The following RHBDD1 variants were observed in gnomAD, a reference collection of about 807,000 sequenced individuals.
The protein encoded by RHBDD1 is rhomboid domain containing 1, also known as rhomboid-related protein 4.
A neutral mutation model predicts 36.3 loss-of-function variants in RHBDD1; 38 were observed. The ratio of observed to expected loss-of-function variants is 1.05; its 90% CI spans 0.81 to 1.37. The LOEUF is 1.37. Ranked by LOEUF, RHBDD1 falls within the 40% of genes most tolerant of loss-of-function variation. The pLI, the probability that RHBDD1 is intolerant of heterozygous loss-of-function variation, is 0.00. For synonymous variants in RHBDD1, 151 were observed against 136.5 expected, an observed-to-expected ratio of 1.11 and a Z score of -0.74; for missense variants, 393 against 377.6, an observed-to-expected ratio of 1.04 and a Z score of -0.34.
intron 3 of RHBDD1, among the ~76,000 whole-genome samples, chr2:226,864,381 C>G (rs1290253193): frequency 6.6e-6 from 1 of 152,086 alleles, no homozygotes; most frequent in African/African-American, 2.4e-5. Context: ...TGTCCATTAA[C>G]TGATTCATTG....
chr2:226,968,108 A>G (rs1438119213), intron 8 of RHBDD1, among the ~76,000 whole-genome samples: 1 of 152,176 alleles, frequency 6.6e-6, no homozygotes, highest in African/African-American at 2.4e-5. Flanking sequence ...TGTGTAGTTT[A>G]CAAAGATAGG....
intron 5 of RHBDD1, among the ~76,000 whole-genome samples, chr2:226,871,670 T>C (rs934877275): frequency 3.3e-5 from 5 of 152,204 alleles, no homozygotes; most frequent in Non-Finnish European, 7.3e-5. Flanking sequence ...CTTGTTTCCT[T>C]TGGGGCTTGT....
rs1466783289 is a variant in RHBDD1 at position 226,861,283 on chromosome 2, G to A, written c.-90-3321G>A. 4.6e-5 allele frequency among the ~76,000 whole-genome samples: 7 copies of A among 152,290 alleles called. No individual in the cohort carries two copies. In the East Asian group the frequency reaches 1.2e-3, roughly 25 times the overall value. On this transcript the variant is annotated intron_variant, in intron 3 of 8. Coordinates refer to ENST00000392062, the MANE Select transcript of RHBDD1 (RefSeq NM_001167608.3). ...GAGGAGAAGTGAACAGCAGAGAAAC[G>A]GGTTGGAAGGAGGAGTGAAGCCTCA...
At chr2:226,949,574 CA>C (rs1327309317) in intron 8 of RHBDD1, among the ~76,000 whole-genome samples, 1 of 152,104 alleles carries the variant, frequency 6.6e-6, no homozygotes, top group Non-Finnish European at 1.5e-5. Flanking sequence ...TTTTGCCTTT[CA>C]TATTGTATTG....
intron 5 of RHBDD1, chr2:226,867,718 T>A (rs1184997052): frequency 1.1e-6 from 1 of 917,610 alleles, no homozygotes; most frequent in Non-Finnish European, 1.3e-6. Flanking sequence ...TTTATTATTA[T>A]TATTATTCTT....
intron 3 of RHBDD1, among the ~76,000 whole-genome samples, chr2:226,852,886 A>C (rs1942952648): frequency 6.8e-6 from 1 of 147,992 alleles, no homozygotes; most frequent in South Asian, 2.1e-4. Flanking sequence ...GGTGTGTGCC[A>C]CTGCACCTGG....
intron 2 of RHBDD1, among the ~76,000 whole-genome samples, chr2:226,839,190 C>A (rs1335882699): frequency 6.6e-6 from 1 of 151,948 alleles, no homozygotes; most frequent in South Asian, 2.1e-4. Context: ...TTGACTCACA[C>A]TAGGTCATAA....
In RHBDD1 at chr2:226,998,382, C is replaced by T. The variant is rs985812101; in HGVS notation, c.*2860C>T. Reference sequence around the variant, plus strand: ...TAAAGGGATGAGAAAGACCACCTCCCCCTACCCTGGAAATTGCACTGCAAG... The same window carrying T: ...TAAAGGGATGAGAAAGACCACCTCCTCCTACCCTGGAAATTGCACTGCAAG... On this transcript the variant is annotated 3_prime_UTR_variant, in exon 9 of 9. Coordinates refer to ENST00000392062, the MANE Select transcript of RHBDD1 (RefSeq NM_001167608.3). 1 of 152,212 alleles carries T rather than the reference C, an allele frequency of 6.6e-6. No homozygotes were observed. The highest frequency in any genetic ancestry group is 1.5e-5 in the Non-Finnish European group (1 of 68,036). The allele number at this position is 152,212 out of a possible 1,614,324, so 9.4% of individuals were successfully genotyped here. A position where few individuals can be genotyped will look rare whatever the true frequency, so the allele number is the denominator to read the frequency against.
chr2:226,981,016 T>G (rs1037666002), intron 8 of RHBDD1, among the ~76,000 whole-genome samples: 2 of 152,160 alleles, frequency 1.3e-5, no homozygotes, highest in Non-Finnish European at 2.9e-5. Context: ...ATTTCAAGGG[T>G]GTAAAACCAG....
Position 226,954,262 on chromosome 2 carries a change from A to G in RHBDD1, c.856+39911A>G, listed in dbSNP as rs1575230945. ...GCAGGAAAGAAGTGATTAATTATTAATAGTGAGGGTGATTGATTTTTTTAA... is the reference window on the plus strand; with the variant it reads ...GCAGGAAAGAAGTGATTAATTATTAGTAGTGAGGGTGATTGATTTTTTTAA... On this transcript the variant is annotated intron_variant, in intron 8 of 8. Coordinates refer to ENST00000392062, the MANE Select transcript of RHBDD1 (RefSeq NM_001167608.3). Among the ~76,000 whole-genome samples, 4 of 152,284 alleles carry G rather than the reference A, an allele frequency of 2.6e-5. No homozygotes were observed. In the South Asian group the frequency reaches 6.2e-4, roughly 24 times the overall value.
intron 5 of RHBDD1, among the ~76,000 whole-genome samples, chr2:226,877,757 T>G (rs1327444619): frequency 6.6e-6 from 1 of 152,150 alleles, no homozygotes; most frequent in Non-Finnish European, 1.5e-5. Flanking sequence ...ACACGGTGTA[T>G]TAAAAAGATG....
chr2:226,915,914 G>A (rs1174652732), intron 8 of RHBDD1, among the ~76,000 whole-genome samples: 1 of 152,184 alleles, frequency 6.6e-6, no homozygotes. Flanking sequence ...GCTGGGCTGG[G>A]CTTAGCTGAT....
intron 3 of RHBDD1, among the ~76,000 whole-genome samples, chr2:226,841,020 T>C (rs1369661442): frequency 6.6e-6 from 1 of 152,198 alleles, no homozygotes; most frequent in Non-Finnish European, 1.5e-5. Flanking sequence ...GATTCTAAAT[T>C]TGAACAAACC....
intron 5 of RHBDD1, among the ~76,000 whole-genome samples, chr2:226,879,892 G>A (rs147532501): frequency 1.1e-3 from 166 of 152,310 alleles, no homozygotes; most frequent in African/African-American, 3.8e-3. Context: ...GTCTGTGGCA[G>A]CTCTTTGAGA....
intron 8 of RHBDD1, among the ~76,000 whole-genome samples, chr2:226,984,225 A>C (rs1283686661): frequency 6.6e-6 from 1 of 152,272 alleles, no homozygotes; most frequent in East Asian, 1.9e-4. Flanking sequence ...ATGCTGTCTT[A>C]GTCAGTTTAG....
In RHBDD1 at chr2:226,864,642, G is replaced by A. The variant is rs1944165191; in HGVS notation, c.-52G>A. 1 of 1,480,768 alleles carries A rather than the reference G, an allele frequency of 6.8e-7. No homozygotes were observed. The highest frequency in any genetic ancestry group is 9.3e-7 in the Non-Finnish European group (1 of 1,073,464). The allele number at this position is 1,480,768 out of a possible 1,614,324, so 91.7% of individuals were successfully genotyped here. ...TATATCTCCCCAGATACCTGAAACT[G>A]ACCACCTGAGTACGTTTTCCCATTG... is the stretch of plus-strand genomic sequence containing the variant. On this transcript the variant is annotated 5_prime_UTR_variant, in exon 4 of 9. Coordinates refer to ENST00000392062, the MANE Select transcript of RHBDD1 (RefSeq NM_001167608.3).
chr2:226,878,049 T>C (rs1243474366), intron 5 of RHBDD1, among the ~76,000 whole-genome samples: 1 of 152,184 alleles, frequency 6.6e-6, no homozygotes, highest in Non-Finnish European at 1.5e-5. Context: ...TGGAAGGGTC[T>C]TAGGGGCTTC....
At chr2:226,905,685 T>A (rs1200864783) in intron 5 of RHBDD1, among the ~76,000 whole-genome samples, 1 of 152,192 alleles carries the variant, frequency 6.6e-6, no homozygotes, top group Non-Finnish European at 1.5e-5. Flanking sequence ...ATGATTTTCT[T>A]TCATTTATTT....
chr2:226,873,594 G>A (rs532456230), intron 5 of RHBDD1, among the ~76,000 whole-genome samples: 48 of 152,284 alleles, frequency 3.2e-4, no homozygotes, highest in Middle Eastern at 3.4e-3. Flanking sequence ...TGATGACTCT[G>A]GGGAAGGGAA....
Sources: gnomAD v4.1 joint callset for allele counts (sites outside exome capture counted in the v4.1 genomes callset) on GRCh38, gnomAD v4.1.1 for gene constraint, MANE v1.5 for transcripts, NCBI Gene and HGNC (gene_info 2026-07-23, HGNC 2026-07-21) for gene names.